The following ZNF573 variants were observed in gnomAD, a reference collection of about 807,000 sequenced individuals.
The protein encoded by ZNF573 is zinc finger protein 573.
Under a neutral mutation model 57.4 loss-of-function variants are expected in ZNF573, and 41 were observed. The ratio of observed to expected loss-of-function variants is 0.71; its 90% confidence interval spans 0.56 to 0.93. The LOEUF is 0.93. Ranked by LOEUF, ZNF573 falls within the 40% of genes least tolerant of loss-of-function variation. The pLI is 0.00. For missense variants in ZNF573, 730 were observed against 794.8 expected, an observed-to-expected ratio of 0.92 and a Z score of 0.98; for synonymous variants, 249 against 261.0, an observed-to-expected ratio of 0.95 and a Z score of 0.44.
At chr19:37,743,449 A>T (rs1389063785) in intron 4 of ZNF573, among the ~76,000 whole-genome samples, 1 of 152,200 alleles carries the variant, frequency 6.6e-6, no homozygotes, top group Admixed American at 6.5e-5. Context: ...ATACCATCTC[A>T]CACCAGTTAG....
chr19:37,765,550 A>C (rs2045594244), intron 4 of ZNF573, among the ~76,000 whole-genome samples: 1 of 152,070 alleles, frequency 6.6e-6, no homozygotes, highest in South Asian at 2.1e-4. Flanking sequence ...ATCTCTACTA[A>C]AAGCACAAAA....
At chr19:37,760,705 C>G (rs1057373751) in intron 4 of ZNF573, among the ~76,000 whole-genome samples, 10 of 151,958 alleles carry the variant, frequency 6.6e-5, no homozygotes, top group Non-Finnish European at 1.5e-4. Context: ...GCCTATAATT[C>G]CAGCTACTCA....
intron 4 of ZNF573, chr19:37,759,148 C>T (rs944579160): frequency 1.4e-5 from 8 of 589,664 alleles, no homozygotes; most frequent in Non-Finnish European, 1.7e-5. Flanking sequence ...CTCTAATAAA[C>T]AAACAAACAA....
Position 37,770,000 on chromosome 19 carries a change from C to A in ZNF573, c.295+5G>T. 6.4e-7 allele frequency: 1 copy of A among 1,551,254 alleles called. No individual in the cohort carries two copies. On this transcript the variant is annotated splice_donor_5th_base_variant and intron_variant, in intron 4 of 4. Coordinates refer to ENST00000536220, the MANE Select transcript of ZNF573 (RefSeq NM_001172690.2). ...GGCCCTGATGGTGTCCCCTGCCTTC[C>A]TTACCTGTGAACTGTGTTTCTTCCC...
intron 1 of ZNF573, among the ~76,000 whole-genome samples, chr19:37,779,092 A>C (rs1243011774): frequency 6.6e-6 from 1 of 152,066 alleles, no homozygotes; most frequent in Admixed American, 6.5e-5. Flanking sequence ...GGAGGAGAGA[A>C]GCAGCAGCCG....
In ZNF573 at chr19:37,739,610, G is replaced by T; in HGVS notation, c.880C>A (p.Gln294Lys). The change falls in exon 5 of 5, where the codon CAG becomes AAG. Residue 294 changes from glutamine to lysine, a missense_variant. Coordinates refer to ENST00000536220, the MANE Select transcript of ZNF573 (RefSeq NM_001172690.2). ...SRRSNLVEHG[Q>K]FHTDEKPYIC... ...TATGGCTTCTCATCAGTATGAAACTGCCCATGTTCAACAAGATTTGAGCGC... is the reference window on the plus strand; with the variant it reads ...TATGGCTTCTCATCAGTATGAAACTTCCCATGTTCAACAAGATTTGAGCGC... 6.2e-7 allele frequency: 1 copy of T among 1,613,568 alleles called. No individual in the cohort carries two copies. Among genetic ancestry groups the T allele is most frequent in the Non-Finnish European group, 8.5e-7 (1 of 1,179,888 alleles).
At chr19:37,763,258 A>C (rs2045569700) in intron 4 of ZNF573, among the ~76,000 whole-genome samples, 1 of 151,384 alleles carries the variant, frequency 6.6e-6, no homozygotes, top group Non-Finnish European at 1.5e-5. Context: ...AGTTATATAT[A>C]TATATATTAT....
At chr19:37,778,083 C>G (rs892957366) in intron 1 of ZNF573, among the ~76,000 whole-genome samples, 1 of 144,860 alleles carries the variant, frequency 6.9e-6, no homozygotes, top group Non-Finnish European at 1.5e-5. Flanking sequence ...GTAACTAATA[C>G]AAATTCTGTT....
rs749987824 is a variant in ZNF573 at position 37,739,400 on chromosome 19, T to G, written c.1090A>C (p.Lys364Gln). ...TTTCTATACAAAGTAAAGGTTTTCT[T>G]ACACTCCTTACATTCATAGGGTTTT... ...GGKPYECKEC[K>Q]KTFTLYRNLT... Residue 364 changes from lysine to glutamine, a missense_variant, in exon 5 of 5, where the codon AAG becomes CAG. Physicochemically the swap from Lys to Gln is moderately conservative, Grantham distance 53 (BLOSUM62 1). Transcript: ENST00000536220. 2 of 1,613,988 alleles carry G rather than the reference T, an allele frequency of 1.2e-6. No homozygotes were observed. The highest frequency in any genetic ancestry group is 1.7e-6 in the Non-Finnish European group (2 of 1,179,988).
intron 4 of ZNF573, among the ~76,000 whole-genome samples, chr19:37,758,051 G>C (rs1036421525): frequency 1.3e-5 from 2 of 150,076 alleles, no homozygotes; most frequent in Admixed American, 6.6e-5. Context: ...GGCCTGTTGT[G>C]GGGTGGGGGT....
At position 37,739,335 on chromosome 19, in the gene ZNF573, A is replaced by G. The variant is rs555191820; in HGVS notation, c.1155T>C (p.Leu385=). Residue 385 remains leucine, a synonymous_variant, in exon 5 of 5, where the codon CTT becomes CTC. Coordinates refer to ENST00000536220, the MANE Select transcript of ZNF573 (RefSeq NM_001172690.2). Reference sequence around the variant, plus strand: ...TCTTCCCACATTGCTTGCATTCAAAAAGTTTCTCACCAGTATGAATATTCT... The same window carrying G: ...TCTTCCCACATTGCTTGCATTCAAAGAGTTTCTCACCAGTATGAATATTCT... ...RHQNIHTGEK[L]FECKQCGKTY... is the part of the protein sequence containing the mutation. 6.2e-7 allele frequency: 1 copy of G among 1,613,406 alleles called. No individual in the cohort carries two copies. Among genetic ancestry groups the G allele is most frequent in the South Asian group, 1.1e-5 (1 of 90,968 alleles).
In ZNF573 at chr19:37,739,476, G is replaced by A. The variant is rs1394770695; in HGVS notation, c.1014C>T (p.Gly338=). ...GAAGAAAGTATGAGGCAGTGGTATA[G>A]CCCTTCCCACATTCTTTACACTCAT... ...KPYECKECGK[G]YTTASYFLLH... Residue 338 remains glycine (G), a synonymous_variant, in exon 5 of 5, where the codon GGC becomes GGT. Coordinates refer to ENST00000536220, the MANE Select transcript of ZNF573 (RefSeq NM_001172690.2). 2.5e-5 allele frequency: 41 copies of A among 1,613,808 alleles called. No individual in the cohort carries two copies. In the East Asian group the frequency reaches 8.9e-4, roughly 35 times the overall value.
chr19:37,765,778 T>G (rs934914635), intron 4 of ZNF573, among the ~76,000 whole-genome samples: 1 of 151,838 alleles, frequency 6.6e-6, no homozygotes, highest in African/African-American at 2.4e-5. Flanking sequence ...GTGGCTCATG[T>G]CTGTAATCCT....
chr19:37,774,613 T>C (rs2045690939), intron 1 of ZNF573, among the ~76,000 whole-genome samples: 2 of 152,112 alleles, frequency 1.3e-5, no homozygotes, highest in African/African-American at 4.8e-5. Flanking sequence ...AGATGCTAAG[T>C]AGGGAAACGT....
At chr19:37,767,414 T>C (rs2045612278) in intron 4 of ZNF573, among the ~76,000 whole-genome samples, 1 of 152,068 alleles carries the variant, frequency 6.6e-6, no homozygotes, top group Admixed American at 6.6e-5. Flanking sequence ...ATTTTTTTTT[T>C]AGTAGAGACG....
In ZNF573 at chr19:37,752,459, A is replaced by G. The variant is rs2045447602; in HGVS notation, c.296-12265T>C. Among the ~76,000 whole-genome samples the G allele has an allele frequency of 2.0e-5, 3 of 152,214 alleles. No individual in the cohort carries two copies. The South Asian group carries it at 6.2e-4, about 31-fold the overall frequency. On this transcript the variant is annotated intron_variant, in intron 4 of 4. Transcript: ENST00000536220. ...AGTATTGATACCTCCTATTATATGG[A>G]TGAAACTCAAAAACATTATGCTAAG...
chr19:37,774,080 C>T (rs576091091), intron 1 of ZNF573, among the ~76,000 whole-genome samples: 12 of 151,250 alleles, frequency 7.9e-5, no homozygotes, highest in African/African-American at 2.9e-4. Context: ...CCTTCATTCC[C>T]ACCTTCCAAG....
chr19:37,772,945 T>C (rs976723757), intron 2 of ZNF573: 3 of 985,252 alleles, frequency 3.0e-6, no homozygotes, highest in South Asian at 4.7e-5. Flanking sequence ...TACCTTCATA[T>C]ACTTTGTTGG....
chr19:37,766,460 C>T (rs1187435611), intron 4 of ZNF573, among the ~76,000 whole-genome samples: 1 of 152,204 alleles, frequency 6.6e-6, no homozygotes, highest in Non-Finnish European at 1.5e-5. Context: ...CTGGAAGTTC[C>T]TGAAAGATCC....
Sources: gnomAD v4.1 joint callset for allele counts (sites outside exome capture counted in the v4.1 genomes callset) on GRCh38, gnomAD v4.1.1 for gene constraint, MANE v1.5 for transcripts, NCBI Gene and HGNC (gene_info 2026-07-23, HGNC 2026-07-21) for gene names.